The following EIF4E3 variants were observed in gnomAD, a reference collection of about 807,000 sequenced individuals.
EIF4E3 encodes eukaryotic translation initiation factor 4E type 3.
Under a neutral mutation model 31.7 loss-of-function variants are expected in EIF4E3, and 26 were observed. The ratio of observed to expected loss-of-function variants is 0.82; its 90% CI spans 0.60 to 1.14. The LOEUF is 1.14. EIF4E3 is among the 50% of genes most tolerant of loss of function. EIF4E3 has a pLI of 0.00. For synonymous variants in EIF4E3, 128 were observed against 107.7 expected (o/e 1.19, Z -1.17); for missense variants, 304 against 270.9 (o/e 1.12, Z -0.86).
chr3:71,673,903 TAATA>T (rs1455960544), downstream of EIF4E3, among the ~76,000 whole-genome samples: 1 of 141,102 alleles, frequency 7.1e-6, no homozygotes, highest in Non-Finnish European at 1.5e-5. Context: ...AATAATAATA[TAATA>T]ATTATATATA....
chr3:71,671,003 A>T (rs2048844685), downstream of EIF4E3, among the ~76,000 whole-genome samples: 1 of 152,054 alleles, frequency 6.6e-6, no homozygotes. Flanking sequence ...GTTTCCTAAG[A>T]TGGGATCTCG....
intron 1 of EIF4E3, among the ~76,000 whole-genome samples, chr3:71,734,132 A>G (rs1015610943): frequency 1.3e-5 from 2 of 152,136 alleles, no homozygotes; most frequent in Non-Finnish European, 2.9e-5. Flanking sequence ...ACCTTATGGT[A>G]TTTGCTTTAA....
intron 2 of EIF4E3, among the ~76,000 whole-genome samples, chr3:71,702,547 C>T (rs1252178412): frequency 1.3e-5 from 2 of 152,122 alleles, no homozygotes; most frequent in East Asian, 3.8e-4. Flanking sequence ...AGAAGCTTCT[C>T]TTGAAAACAA....
In EIF4E3 at chr3:71,688,689, A is replaced by AC. The variant is rs1578334399; in HGVS notation, c.628+1320_628+1321insG. ...TGCTAGTCTTGTGAAATAAAAAAAA[A>AC]GAAAAAACCCTTGATGACCTTTCAA... is the stretch of plus-strand genomic sequence containing the variant. On this transcript the variant is annotated intron_variant, in intron 6 of 6. Coordinates refer to ENST00000425534, the MANE Select transcript of EIF4E3 (RefSeq NM_001134651.2). Among the ~76,000 whole-genome samples the AC allele has an allele frequency of 2.6e-5, 4 of 152,238 alleles. No homozygotes were observed. In the East Asian group the frequency reaches 7.7e-4, roughly 29 times the overall value.
chr3:71,744,574 G>C (rs148507612), intron 1 of EIF4E3, among the ~76,000 whole-genome samples: 1 of 152,054 alleles, frequency 6.6e-6, no homozygotes, highest in Non-Finnish European at 1.5e-5. Flanking sequence ...GTGAAACCCC[G>C]TCTCTATGAA....
chr3:71,724,524 G>C (rs1255551600), intron 1 of EIF4E3, among the ~76,000 whole-genome samples: 1 of 152,174 alleles, frequency 6.6e-6, no homozygotes, highest in African/African-American at 2.4e-5. Context: ...CACCTGGGTT[G>C]TCCCTTGAGA....
At position 71,725,350 on chromosome 3, in the gene EIF4E3, G is replaced by A. The variant is rs1040760383; in HGVS notation, c.18C>T (p.Ala6=). The change falls in exon 1 of 7, where the codon GCC becomes GCT. Residue 6 remains alanine (A), a synonymous_variant. Transcript: ENST00000425534. This position sits in a 1 kb window ranked among gnomAD's most constrained non-coding sequence, Gnocchi z 6.1. Reference sequence around the variant, plus strand: ...CCCGGGCCCCGGCGGGGGGCGCGGCGGCCGGGGGCAGCGCCATTTTCTCCG... The same window carrying A: ...CCCGGGCCCCGGCGGGGGGCGCGGCAGCCGGGGGCAGCGCCATTTTCTCCG... MALPP[A]AAPPAGAREP... 1 of 974,916 alleles carries A rather than the reference G, an allele frequency of 1.0e-6. No homozygotes were observed. The highest frequency in any genetic ancestry group is 1.2e-6 in the Non-Finnish European group (1 of 823,412). 60.4% of individuals were successfully genotyped at this position (974,916 alleles called of 1,614,324 possible).
chr3:71,743,051 A>G (rs748100914), intron 1 of EIF4E3, among the ~76,000 whole-genome samples: 2 of 152,202 alleles, frequency 1.3e-5, no homozygotes, highest in African/African-American at 2.4e-5. Flanking sequence ...CTTAATGGTG[A>G]AAAACTGAAT....
chr3:71,696,719 A>AT (rs151225724), intron 3 of EIF4E3, among the ~76,000 whole-genome samples, 199 bp from the exon 4 acceptor site: 2,541 of 141,074 alleles, frequency 0.018, 47 homozygotes, highest in African/African-American at 0.042. Flanking sequence ...GTATATCTGA[A>AT]TTTTTTTTTT....
rs1255659832 is a variant in EIF4E3 at position 71,677,933 on chromosome 3, G to T, written c.*6749C>A. 2 of 152,078 alleles carry T rather than the reference G, an allele frequency of 1.3e-5. No homozygotes were observed. Among genetic ancestry groups the T allele is most frequent in the East Asian group, 1.9e-4 (1 of 5,196 alleles). The allele number at this position is 152,078 out of a possible 1,614,324, so 9.4% of individuals were successfully genotyped here. On this transcript the variant is annotated 3_prime_UTR_variant, in exon 7 of 7. Coordinates refer to ENST00000425534, the MANE Select transcript of EIF4E3 (RefSeq NM_001134651.2). ...ATTCTTAATAGAGGGTAAAGAAAAA[G>T]AATTAAAATAAGCAAGATACGTTTT...
rs753655960 is a variant in EIF4E3, at chr3:71,690,213, AGTCT to A, written c.473-52_473-49del. On this transcript the variant is annotated intron_variant, in intron 5 of 6. Coordinates refer to ENST00000425534, the MANE Select transcript of EIF4E3 (RefSeq NM_001134651.2). ...AAAAAATGAGTGATACTTCCAAGTC[AGTCT>A]GACTGTTTCTAAGAACTTAGTCTTT... 3 of 1,530,496 alleles carry A rather than the reference AGTCT, an allele frequency of 2.0e-6. No homozygotes were observed. In the South Asian group the frequency reaches 3.8e-5, roughly 19 times the overall value. The allele number at this position is 1,530,496 out of a possible 1,614,324, so 94.8% of individuals were successfully genotyped here. A position where few individuals can be genotyped will look rare whatever the true frequency, so the allele number is the denominator to read the frequency against.
rs2048950982 is a variant in EIF4E3, at chr3:71,683,624, TGCATCC to T, written c.*1052_*1057del. 1 of 152,214 alleles carries T rather than the reference TGCATCC, an allele frequency of 6.6e-6. No individual in the cohort carries two copies. The highest frequency in any genetic ancestry group is 2.4e-5 in the African/African-American group (1 of 41,450). The allele number at this position is 152,214 out of a possible 1,614,324, so 9.4% of individuals were successfully genotyped here. On this transcript the variant is annotated 3_prime_UTR_variant, in exon 7 of 7. Coordinates refer to ENST00000425534, the MANE Select transcript of EIF4E3 (RefSeq NM_001134651.2). Reference sequence around the variant, plus strand: ...AAGTTCAACTTTGTAAATGTTCACATGCATCCTGGAAATGAGATTTAACTTCCTGCA... The same window carrying T: ...AAGTTCAACTTTGTAAATGTTCACATTGGAAATGAGATTTAACTTCCTGCA...
chr3:71,742,113 G>GA lies in EIF4E3; in HGVS notation c.-291+11349dup, dbSNP rs1237071030. Among the ~76,000 whole-genome samples the GA allele has an allele frequency of 6.6e-5, 10 of 152,102 alleles. No individual in the cohort carries two copies. In the South Asian group the frequency reaches 8.3e-4, roughly 13 times the overall value. ...GAAACTAGAAAATAAAAGCAAATAG[G>GA]ATGCAAATTAAATAGATCAAAGGAG... On this transcript the variant is annotated intron_variant, in intron 1 of 7. Coordinates refer to the EIF4E3 transcript ENST00000295612.
the EIF4E3 span, among the ~76,000 whole-genome samples, chr3:71,663,267 C>T: frequency 5.9e-5 from 9 of 152,232 alleles, no homozygotes; most frequent in African/African-American, 1.2e-4. Context: ...CCTTCCAAAG[C>T]AAATTTCCCT....
In EIF4E3 at chr3:71,714,136, T is replaced by C. The variant is rs540797439; in HGVS notation, c.177-3652A>G. Among the ~76,000 whole-genome samples, 3 of 151,746 alleles carry C rather than the reference T, an allele frequency of 2.0e-5. No homozygotes were observed. In the South Asian group the frequency reaches 6.3e-4, roughly 32 times the overall value. On this transcript the variant is annotated intron_variant, in intron 1 of 6. Coordinates refer to ENST00000425534, the MANE Select transcript of EIF4E3 (RefSeq NM_001134651.2). ...CTGAGGCAGGAGAATCGTTTGAACC[T>C]GGGAGGCGGAGGTTGCAGTGAGCCG... is the stretch of plus-strand genomic sequence containing the variant.
rs1559583393 is a variant in EIF4E3, at chr3:71,680,005, A to C, written c.*4677T>G. 1.3e-5 allele frequency: 2 copies of C among 152,176 alleles called. No individual in the cohort carries two copies. Among genetic ancestry groups the C allele is most frequent in the Admixed American group, 6.5e-5 (1 of 15,276 alleles). The allele number at this position is 152,176 out of a possible 1,614,324, so 9.4% of individuals were successfully genotyped here. On this transcript the variant is annotated 3_prime_UTR_variant, in exon 7 of 7. Coordinates refer to ENST00000425534, the MANE Select transcript of EIF4E3 (RefSeq NM_001134651.2). The stretch of plus-strand genomic sequence containing the variant: ...GAAATGGTATTTAGAAAAGAGAAAA[A>C]CCACCACTCTGTATTAAAGGCTTTA...
intron 1 of EIF4E3, among the ~76,000 whole-genome samples, chr3:71,734,807 A>G (rs772320000): frequency 1.6e-4 from 25 of 152,232 alleles, no homozygotes; most frequent in Non-Finnish European, 2.9e-4. Flanking sequence ...TAACTGGAAG[A>G]TATCAGAAAA....
intron 1 of EIF4E3, among the ~76,000 whole-genome samples, chr3:71,720,014 A>AAT (rs556321292): frequency 3.8e-4 from 58 of 151,272 alleles, no homozygotes; most frequent in East Asian, 7.7e-4. Flanking sequence ...CCTGTCTCAA[A>AAT]ATATATATAT....
Position 71,725,323 on chromosome 3 carries a change from C to T in EIF4E3, c.45G>A (p.Glu15=), listed in dbSNP as rs553499559. 1.3e-5 allele frequency: 13 copies of T among 968,954 alleles called. No homozygotes were observed. Among genetic ancestry groups the T allele is most frequent in the Non-Finnish European group, 1.5e-5 (12 of 817,296 alleles). 60.0% of individuals were successfully genotyped at this position (968,954 alleles called of 1,614,324 possible). The change falls in exon 1 of 7, where the codon GAG becomes GAA. Residue 15 remains glutamate, a synonymous_variant. Transcript: ENST00000425534. The surrounding 1 kb of genome is among the most constrained non-coding windows in gnomAD (Gnocchi z 6.1). ...CGGCGGCGGCGCGGGACCCCGGCGG[C>T]TCCCGGGCCCCGGCGGGGGGCGCGG... is the stretch of plus-strand genomic sequence containing the variant. ...PAAAPPAGAR[E]PPGSRAAAAA...
Sources: gnomAD v4.1 joint callset for allele counts (sites outside exome capture counted in the v4.1 genomes callset) on GRCh38, gnomAD v4.1.1 for gene constraint, Gnocchi (gnomAD v3.1) non-coding constraint, MANE v1.5 for transcripts, NCBI Gene and HGNC (gene_info 2026-07-23, HGNC 2026-07-21) for gene names.